STAG1: variants seen among roughly 807,000 people sequenced by gnomAD.
STAG1 encodes the protein cohesin subunit SA-1.
A neutral mutation model predicts 170.9 loss-of-function variants in STAG1; 26 were observed. The observed-to-expected ratio is 0.15, with a 90% CI of 0.11 to 0.21. The LOEUF is 0.21. Among genes scored for constraint, STAG1 ranks in the 10% least tolerant of loss-of-function variants. STAG1 has a pLI of 1.00. For synonymous variants in STAG1, 514 were observed against 497.7 expected (o/e 1.03, Z -0.44); for missense variants, 964 against 1,509.5 (o/e 0.64, Z 5.99).
chr3:136,452,595 T>C (rs1231866821), intron 13 of STAG1, among the ~76,000 whole-genome samples: 1 of 151,930 alleles, frequency 6.6e-6, no homozygotes, highest in Non-Finnish European at 1.5e-5. Context: ...TTCATCTATT[T>C]CAATAGAAAT....
intron 9 of STAG1, among the ~76,000 whole-genome samples, chr3:136,485,712 A>G (rs921226898): frequency 1.3e-5 from 2 of 152,202 alleles, no homozygotes; most frequent in Non-Finnish European, 2.9e-5. Flanking sequence ...GATTCAGTGA[A>G]TATCAATTCC....
At chr3:136,650,746 C>T (rs1489395429) in intron 1 of STAG1, among the ~76,000 whole-genome samples, 2 of 151,832 alleles carry the variant, frequency 1.3e-5, no homozygotes, top group African/African-American at 4.8e-5. Context: ...TATGATAGTA[C>T]TGTGAGGAGA....
rs1349341995 is a variant in STAG1, at chr3:136,521,566, A to C, written c.472-149T>G. Reference sequence around the variant, plus strand: ...CTTTCATAGCACATTTGATTGCTTTATTTCTCTTTGATTTTGATCTGCCAC... The same window carrying C: ...CTTTCATAGCACATTTGATTGCTTTCTTTCTCTTTGATTTTGATCTGCCAC... On this transcript the variant is annotated intron_variant, in intron 6 of 33. Transcript: ENST00000383202. 3 of 616,886 alleles carry C rather than the reference A, an allele frequency of 4.9e-6. No homozygotes were observed. The African/African-American group carries it at 5.6e-5, about 11-fold the overall frequency. The allele number at this position is 616,886 out of a possible 1,614,324, so 38.2% of individuals were successfully genotyped here.
chr3:136,565,007 A>AGGCAGGC (rs1184339001), intron 5 of STAG1, among the ~76,000 whole-genome samples: 4 of 54,272 alleles, frequency 7.4e-5, no homozygotes, highest in African/African-American at 2.2e-4. Flanking sequence ...GGAAGGAAGG[A>AGGCAGGC]AGGAAGGCAG....
intron 7 of STAG1, among the ~76,000 whole-genome samples, chr3:136,506,947 C>T (rs923662336): frequency 1.3e-5 from 2 of 152,128 alleles, no homozygotes; most frequent in African/African-American, 2.4e-5. Context: ...GATAGCCTTA[C>T]AGTGTGTATA....
intron 1 of STAG1, among the ~76,000 whole-genome samples, chr3:136,665,717 T>C (rs1158279901): frequency 6.7e-6 from 1 of 149,182 alleles, no homozygotes; most frequent in African/African-American, 2.5e-5. Flanking sequence ...GAGGCAGAGC[T>C]TGCAGTGAGC....
chr3:136,678,040 GAAGAA>G (rs1246964017), intron 1 of STAG1, among the ~76,000 whole-genome samples: 1 of 149,480 alleles, frequency 6.7e-6, no homozygotes, highest in African/African-American at 2.4e-5. Context: ...GCACTAGTAT[GAAGAA>G]AATACACATT....
chr3:136,749,216 G>C (rs927554615), intron 1 of STAG1, among the ~76,000 whole-genome samples: 5 of 152,150 alleles, frequency 3.3e-5, no homozygotes, highest in African/African-American at 9.7e-5. Flanking sequence ...AAGGGCCTCA[G>C]AGCTTAGCTG....
intron 7 of STAG1, among the ~76,000 whole-genome samples, chr3:136,520,217 AG>A (rs1276542134): frequency 2.0e-5 from 3 of 152,160 alleles, no homozygotes; most frequent in African/African-American, 4.8e-5. Flanking sequence ...AACATTGCCT[AG>A]GAACTTCTTG....
intron 23 of STAG1, among the ~76,000 whole-genome samples, chr3:136,376,002 A>AAATAAATAAATAAATG (rs1387446044): frequency 1.7e-4 from 23 of 134,478 alleles, no homozygotes; most frequent in African/African-American, 6.6e-4. Flanking sequence ...ATAAATAAAT[A>AAATAAATAAATAAATG]AATAAATAAT....
Position 136,443,408 on chromosome 3 carries a change from A to G in STAG1, c.1429-4T>C. ...AGTAGGCTGCATGTTCATGTAACTA[A>G]AAAGAAAAAATCAAGTGTGACCAAA... is the stretch of plus-strand genomic sequence containing the variant. On this transcript the variant is annotated splice_region_variant and splice_polypyrimidine_tract_variant and intron_variant, in intron 14 of 33. Transcript: ENST00000383202. 1 of 1,594,700 alleles carries G rather than the reference A, an allele frequency of 6.3e-7. No individual in the cohort carries two copies. Among genetic ancestry groups the G allele is most frequent in the Non-Finnish European group, 8.6e-7 (1 of 1,167,618 alleles).
At chr3:136,735,611 C>T (rs989746271) in intron 1 of STAG1, among the ~76,000 whole-genome samples, 6 of 151,794 alleles carry the variant, frequency 4.0e-5, no homozygotes, top group Non-Finnish European at 7.4e-5. Flanking sequence ...CTAATTTTTG[C>T]GTTTTTTTAT....
intron 3 of STAG1, among the ~76,000 whole-genome samples, chr3:136,610,519 A>G (rs1336403561): frequency 6.6e-6 from 1 of 152,154 alleles, no homozygotes; most frequent in Non-Finnish European, 1.5e-5. Context: ...TTTTAACTGA[A>G]TTGGAGAAGT....
At chr3:136,607,186 C>G (rs189326912) in intron 3 of STAG1, among the ~76,000 whole-genome samples, 1 of 152,220 alleles carries the variant, frequency 6.6e-6, no homozygotes, top group African/African-American at 2.4e-5. Context: ...CTTACTCTTT[C>G]CATAGTGTAC....
chr3:136,748,904 G>C (rs1432627481), intron 1 of STAG1, among the ~76,000 whole-genome samples: 1 of 152,034 alleles, frequency 6.6e-6, no homozygotes, highest in Non-Finnish European at 1.5e-5. Flanking sequence ...CAGGAAACGG[G>C]AAAGGAAAAA....
At chr3:136,421,015 C>T (rs747824917) in intron 20 of STAG1, 78 bp downstream of exon 20, 6 of 801,132 alleles carry the variant, frequency 7.5e-6, no homozygotes, top group Non-Finnish European at 1.2e-5. Context: ...AAGCAATCTG[C>T]CCATCTCGGC....
intron 5 of STAG1, among the ~76,000 whole-genome samples, chr3:136,547,408 C>T (rs528033684): frequency 1.3e-5 from 2 of 152,318 alleles, no homozygotes; most frequent in Non-Finnish European, 2.9e-5. Context: ...TACACTGTGA[C>T]ACTTTCTCAG....
intron 25 of STAG1, among the ~76,000 whole-genome samples, chr3:136,363,745 G>A (rs185227512): frequency 6.6e-6 from 1 of 152,250 alleles, no homozygotes; most frequent in African/African-American, 2.4e-5. Flanking sequence ...AAGAGAGGTG[G>A]TGAGAAAAAT....
intron 2 of STAG1, among the ~76,000 whole-genome samples, chr3:136,626,088 A>T (rs1313018965): frequency 6.6e-6 from 1 of 151,738 alleles, no homozygotes; most frequent in African/African-American, 2.4e-5. Flanking sequence ...AAATGAAACT[A>T]TAAATAATAT....
Sources: gnomAD v4.1 joint callset for allele counts (sites outside exome capture counted in the v4.1 genomes callset) on GRCh38, gnomAD v4.1.1 for gene constraint, MANE v1.5 for transcripts, NCBI Gene and HGNC (gene_info 2026-07-23, HGNC 2026-07-21) for gene names.